Variants in PEPD observed in about 807,000 individuals in gnomAD.
PEPD encodes peptidase D.
A neutral mutation model predicts 60.7 loss-of-function variants in PEPD; 53 were observed. The observed-to-expected ratio is 0.87, with a 90% CI of 0.70 to 1.10. The LOEUF is 1.10. Ranked by LOEUF, PEPD falls within the 50% of genes least tolerant of loss-of-function variation. PEPD has a pLI of 0.00. For missense variants in PEPD, 711 were observed against 711.9 expected (o/e 1.00, Z 0.01); for synonymous variants, 267 against 284.1 (o/e 0.94, Z 0.60).
Position 33,485,490 on chromosome 19 carries a change from C to CA in PEPD, c.503+4505_503+4506insT, listed in dbSNP as rs1568495256. ...CCTGGGCAACAGAGCAAGACTCTGT[C>CA]TAAAAAAAAAAAAAAAAAAGAAGCC... On this transcript the variant is annotated intron_variant, in intron 6 of 14. Coordinates refer to ENST00000244137, the MANE Select transcript of PEPD (RefSeq NM_000285.4). 8.9e-5 allele frequency among the ~76,000 whole-genome samples: 6 copies of CA among 67,620 alleles called. No individual in the cohort carries two copies. In the South Asian group the frequency reaches 1.1e-3, roughly 12 times the overall value. The allele number at this position is 67,620 out of a possible 152,430, so 44.4% of individuals were successfully genotyped here.
intron 5 of PEPD, among the ~76,000 whole-genome samples, chr19:33,490,876 T>C (rs981136301): frequency 6.6e-6 from 1 of 152,000 alleles, no homozygotes; most frequent in Admixed American, 6.5e-5. Context: ...TTGGCCAGGC[T>C]TGTCTCGAAC....
intron 6 of PEPD, among the ~76,000 whole-genome samples, chr19:33,486,494 TG>T (rs774524597): frequency 6.6e-6 from 1 of 151,812 alleles, no homozygotes; most frequent in Non-Finnish European, 1.5e-5. Flanking sequence ...GCCACATCAC[TG>T]GGTGAGCCCA....
intron 9 of PEPD, among the ~76,000 whole-genome samples, chr19:33,451,815 C>G (rs946578477): frequency 1.3e-5 from 2 of 152,096 alleles, no homozygotes; most frequent in African/African-American, 4.8e-5. Context: ...TTCTTGAAAG[C>G]TATAAAAAGC....
intron 6 of PEPD, among the ~76,000 whole-genome samples, chr19:33,488,629 G>T (rs1377579476): frequency 6.6e-6 from 1 of 152,132 alleles, no homozygotes; most frequent in Non-Finnish European, 1.5e-5. Flanking sequence ...CCGCTTTGGG[G>T]AAACTCCCAG....
Position 33,413,579 on chromosome 19 carries a change from C to T in PEPD, c.736G>A (p.Gly246Ser), listed in dbSNP as rs368547324. ...MRHSSYTCIC[G>S]SGENSAVLHY... ...GAGCCAGGGTGCCCCGCTTACCTGCCGCAGATGCAGGTGTAGGAGCTGTGG... is the reference window on the plus strand; with the variant it reads ...GAGCCAGGGTGCCCCGCTTACCTGCTGCAGATGCAGGTGTAGGAGCTGTGG... Residue 246 changes from glycine (G) to serine (S), a missense_variant, in exon 10 of 15, where the codon GGC becomes AGC. Coordinates refer to ENST00000244137, the MANE Select transcript of PEPD (RefSeq NM_000285.4). 44 of 1,565,246 alleles carry T rather than the reference C, an allele frequency of 2.8e-5. No homozygotes were observed. The highest frequency in any genetic ancestry group is 1.2e-4 in the South Asian group (10 of 85,612).
intron 11 of PEPD, among the ~76,000 whole-genome samples, chr19:33,410,428 G>A (rs1417368591): frequency 6.6e-6 from 1 of 152,234 alleles, no homozygotes; most frequent in Non-Finnish European, 1.5e-5. Context: ...AGCTCTCTGG[G>A]CAGCTGGTTG....
At chr19:33,489,070 G>A (rs907544306) in intron 6 of PEPD, among the ~76,000 whole-genome samples, 8 of 151,998 alleles carry the variant, frequency 5.3e-5, no homozygotes, top group African/African-American at 1.9e-4. Flanking sequence ...AGTGGGCAGG[G>A]CTCTCCCGCC....
At chr19:33,404,716 A>C (rs1968578712) in intron 11 of PEPD, among the ~76,000 whole-genome samples, 2 of 152,152 alleles carry the variant, frequency 1.3e-5, no homozygotes, top group Non-Finnish European at 2.9e-5. Context: ...TGGAGGGGGA[A>C]GTATACACCC....
chr19:33,504,817 T>C (rs1004367086), intron 3 of PEPD, among the ~76,000 whole-genome samples: 1 of 151,382 alleles, frequency 6.6e-6, no homozygotes, highest in African/African-American at 2.4e-5. Context: ...GCAGAGAAGC[T>C]GCTGTCACCC....
intron 1 of PEPD, among the ~76,000 whole-genome samples, chr19:33,519,701 AC>A (rs1167620510): frequency 1.3e-5 from 2 of 151,448 alleles, no homozygotes; most frequent in Non-Finnish European, 3.0e-5. Context: ...CCTCTCTAAG[AC>A]CTGCCACTCT....
chr19:33,392,222 A>G lies in PEPD; in HGVS notation c.968-743T>C, dbSNP rs138982378. Among the ~76,000 whole-genome samples the G allele has an allele frequency of 7.9e-5, 12 of 152,314 alleles. No homozygotes were observed. In the East Asian group the frequency reaches 1.7e-3, roughly 22 times the overall value. On this transcript the variant is annotated intron_variant, in intron 12 of 14. Transcript: ENST00000244137. ...GCATGTTTGTGGGGCAAAGGCCACCAAAGAGAGAACTTCCTAAGCACAGAG... is the reference window on the plus strand; with the variant it reads ...GCATGTTTGTGGGGCAAAGGCCACCGAAGAGAGAACTTCCTAAGCACAGAG...
intron 4 of PEPD, among the ~76,000 whole-genome samples, chr19:33,496,750 G>A (rs770450926): frequency 2.6e-5 from 4 of 152,200 alleles, no homozygotes; most frequent in Admixed American, 6.5e-5. Context: ...GGCAGCCCCC[G>A]GCCTCTCTGG....
At position 33,512,694 on chromosome 19, in the gene PEPD, G is replaced by A. The variant is rs376016676; in HGVS notation, c.100C>T (p.Leu34=). Residue 34 remains leucine (L), a synonymous_variant, in exon 2 of 15, where the codon CTG becomes TTG. Coordinates refer to ENST00000244137, the MANE Select transcript of PEPD (RefSeq NM_000285.4). Reference sequence around the variant, plus strand: ...GCCTGCACAGCAGGGTTCTTCCGCAGCCGCTCACACAGGCGCTGCCGGTTC... The same window carrying A: ...GCCTGCACAGCAGGGTTCTTCCGCAACCGCTCACACAGGCGCTGCCGGTTC... The part of the protein sequence containing the change: ...ALNRQRLCER[L]RKNPAVQAGS... The A allele has an allele frequency of 9.1e-4, 1,471 of 1,614,054 alleles. No individual in the cohort carries two copies. Among genetic ancestry groups the A allele is most frequent in the Non-Finnish European group, 1.1e-3 (1,347 of 1,179,978 alleles).
At chr19:33,489,646 A>G (rs1245958074) in intron 6 of PEPD, among the ~76,000 whole-genome samples, 1 of 151,956 alleles carries the variant, frequency 6.6e-6, no homozygotes, top group East Asian at 1.9e-4. Context: ...ATAAAAAAAT[A>G]AAAGAAAGGG....
chr19:33,409,104 G>T (rs1277967425), intron 11 of PEPD, among the ~76,000 whole-genome samples: 3 of 152,248 alleles, frequency 2.0e-5, no homozygotes. Flanking sequence ...GTCCCGGAGG[G>T]CCGAGGCCAC....
intron 7 of PEPD, among the ~76,000 whole-genome samples, chr19:33,473,331 CTT>C (rs959692017): frequency 2.0e-5 from 3 of 152,078 alleles, no homozygotes; most frequent in African/African-American, 7.2e-5. Flanking sequence ...ATCTACGTAT[CTT>C]TTCTAATTTG....
At chr19:33,399,231 C>T (rs921078829) in intron 12 of PEPD, among the ~76,000 whole-genome samples, 20 of 152,184 alleles carry the variant, frequency 1.3e-4, no homozygotes, top group African/African-American at 4.6e-4. Flanking sequence ...TCAAGTGATC[C>T]GCCCGCCTCC....
chr19:33,400,940 CA>C (rs1968473512), intron 12 of PEPD, among the ~76,000 whole-genome samples: 1 of 152,176 alleles, frequency 6.6e-6, no homozygotes, highest in African/African-American at 2.4e-5. Flanking sequence ...GGGAGGTGCC[CA>C]GGGGGAACTC....
chr19:33,458,959 C>T (rs1186422463), intron 9 of PEPD, among the ~76,000 whole-genome samples: 1 of 136,918 alleles, frequency 7.3e-6, no homozygotes, highest in East Asian at 2.2e-4. Context: ...ACTCGAGGGG[C>T]GCTGGGCACA....
Sources: gnomAD v4.1 joint callset for allele counts (sites outside exome capture counted in the v4.1 genomes callset) on GRCh38, gnomAD v4.1.1 for gene constraint, MANE v1.5 for transcripts, NCBI Gene and HGNC (gene_info 2026-07-23, HGNC 2026-07-21) for gene names.